Variants in PREP observed in about 807,000 individuals in gnomAD.
PREP encodes the protein dJ355L5.1 (prolyl endopeptidase).
In PREP, 29 loss-of-function variants were observed where a neutral mutation model predicts 87.6. The observed-to-expected ratio is 0.33, with a 90% CI of 0.25 to 0.45. PREP has a LOEUF of 0.45. PREP is among the 20% of genes least tolerant of loss of function. The probability of loss-of-function intolerance (pLI) is 1.00; values close to 1 mark genes in which losing one functional copy is unlikely to be tolerated. For missense variants in PREP, 695 were observed against 886.5 expected, an observed-to-expected ratio of 0.78 and a Z score of 2.74; for synonymous variants, 337 against 328.6, an observed-to-expected ratio of 1.03 and a Z score of -0.28.
intron 6 of PREP, among the ~76,000 whole-genome samples, chr6:105,367,872 T>C (rs1289218055): frequency 1.3e-5 from 2 of 152,084 alleles, no homozygotes; most frequent in Non-Finnish European, 2.9e-5. Context: ...CAGGTGAAAA[T>C]GGGTGTGGTT....
At chr6:105,280,631 T>G (rs746199522) in intron 14 of PREP, 7 of 152,144 alleles carry the variant, frequency 4.6e-5, no homozygotes, top group Non-Finnish European at 8.8e-5. Flanking sequence ...GGTCTTGGAA[T>G]GCAGTGGTGT....
intron 11 of PREP, among the ~76,000 whole-genome samples, chr6:105,287,508 T>C (rs571549943): frequency 6.6e-6 from 1 of 152,362 alleles, no homozygotes; most frequent in East Asian, 1.9e-4. Context: ...ATTCGAGGTC[T>C]ACAATTTCAT....
chr6:105,345,105 G>C (rs1771761959), intron 7 of PREP, among the ~76,000 whole-genome samples: 2 of 152,228 alleles, frequency 1.3e-5, no homozygotes, highest in South Asian at 4.1e-4. Flanking sequence ...TTGTTCTACA[G>C]GGCTTTGGTA....
At chr6:105,360,468 G>A (rs1353725350) in intron 6 of PREP, among the ~76,000 whole-genome samples, 2 of 152,136 alleles carry the variant, frequency 1.3e-5, no homozygotes, top group Non-Finnish European at 2.9e-5. Flanking sequence ...TTATCAAAAG[G>A]TAGGACATAA....
chr6:105,303,863 C>G (rs1380629725), intron 10 of PREP, among the ~76,000 whole-genome samples: 4 of 152,144 alleles, frequency 2.6e-5, no homozygotes, highest in Non-Finnish European at 5.9e-5. Context: ...AAAATACCTG[C>G]CAGTTAGTTT....
intron 2 of PREP, among the ~76,000 whole-genome samples, chr6:105,381,680 C>A (rs1772841956): frequency 6.6e-6 from 1 of 152,160 alleles, no homozygotes; most frequent in Admixed American, 6.5e-5. Context: ...ATTTTCCTAG[C>A]AAAGAGTAGC....
rs535236031 is a variant in PREP at position 105,275,635 on chromosome 6, G to T, written c.*2509C>A. ...ATATCAAAAAGATATCTGCACTCCT[G>T]TGTCTACTGCAGCACTATCCACAAC... On this transcript the variant is annotated 3_prime_UTR_variant, in exon 15 of 15. Coordinates refer to ENST00000652536, the MANE Select transcript of PREP (RefSeq NM_002726.5). Among the ~76,000 whole-genome samples, 1 of 152,198 alleles carries T rather than the reference G, an allele frequency of 6.6e-6. No homozygotes were observed. The highest frequency in any genetic ancestry group is 6.5e-5 in the Admixed American group (1 of 15,284).
intron 6 of PREP, among the ~76,000 whole-genome samples, chr6:105,357,289 T>C (rs1240926136): frequency 6.6e-6 from 1 of 152,228 alleles, no homozygotes; most frequent in Non-Finnish European, 1.5e-5. Context: ...AATTCAGTTG[T>C]AGTGATTCAG....
At chr6:105,289,014 G>T in intron 10 of PREP, 120 bp from the exon 11 acceptor site, 1 of 1,001,628 alleles carries the variant, frequency 1.0e-6, no homozygotes, top group Non-Finnish European at 1.4e-6. Flanking sequence ...TGAAAACCTA[G>T]TACCTCTCAA....
chr6:105,274,081 T>G lies in PREP; in HGVS notation c.*4063A>C, dbSNP rs1769888149. Among the ~76,000 whole-genome samples the G allele has an allele frequency of 6.6e-6, 1 of 152,212 alleles. No homozygotes were observed. Among genetic ancestry groups the G allele is most frequent in the South Asian group, 2.1e-4 (1 of 4,828 alleles). On this transcript the variant is annotated 3_prime_UTR_variant, in exon 15 of 15. Transcript: ENST00000652536. Reference sequence around the variant, plus strand: ...TGAAATTATACTTTGTTTATTATCTTGTTAATAGACTCGTGGGTATCTTAG... The same window carrying G: ...TGAAATTATACTTTGTTTATTATCTGGTTAATAGACTCGTGGGTATCTTAG...
intron 2 of PREP, among the ~76,000 whole-genome samples, chr6:105,383,124 G>T (rs1772890825): frequency 6.6e-6 from 1 of 152,060 alleles, no homozygotes; most frequent in Admixed American, 6.5e-5. Flanking sequence ...GGACAGTCAA[G>T]GTAGGTCATG....
chr6:105,402,997 G>A lies in PREP; in HGVS notation c.-106C>T, dbSNP rs915781716. ...GCGGCTGGGGCGCAGGCAGCTGCGG[G>A]GCGGCCGGCGGCAGCGGGCGGCCGG... On this transcript the variant is annotated 5_prime_UTR_variant, in exon 1 of 15. Transcript: ENST00000652536. 23 of 447,018 alleles carry A rather than the reference G, an allele frequency of 5.1e-5. No homozygotes were observed. Among genetic ancestry groups the A allele is most frequent in the Non-Finnish European group, 7.0e-5 (20 of 286,316 alleles). The allele number at this position is 447,018 out of a possible 1,614,324, so 27.7% of individuals were successfully genotyped here. A position where few individuals can be genotyped will look rare whatever the true frequency, so the allele number is the denominator to read the frequency against.
intron 10 of PREP, among the ~76,000 whole-genome samples, chr6:105,316,366 G>T (rs1201447): frequency 6.6e-6 from 1 of 152,022 alleles, no homozygotes; most frequent in Admixed American, 6.6e-5. Flanking sequence ...GCATTTTTCA[G>T]TTAAGTTCAC....
rs1341991660 is a variant in PREP, at chr6:105,277,351, C to CT, written c.*792dup. ...CAAGGATCCTTGGATCCAAGGAACTCTGATTTCTAGGAATACTTTGTAAAC... is the reference window on the plus strand; with the variant it reads ...CAAGGATCCTTGGATCCAAGGAACTCTTGATTTCTAGGAATACTTTGTAAAC... On this transcript the variant is annotated 3_prime_UTR_variant, in exon 15 of 15. Transcript: ENST00000652536. Among the ~76,000 whole-genome samples, 2 of 152,108 alleles carry CT rather than the reference C, an allele frequency of 1.3e-5. No homozygotes were observed. Among genetic ancestry groups the CT allele is most frequent in the Admixed American group, 6.5e-5 (1 of 15,286 alleles).
chr6:105,346,831 T>C (rs1200221121), intron 7 of PREP, among the ~76,000 whole-genome samples: 1 of 152,272 alleles, frequency 6.6e-6, no homozygotes, highest in Non-Finnish European at 1.5e-5. Flanking sequence ...TCGGGTGCAG[T>C]GGCCCATGCC....
chr6:105,402,376 A>AGT (rs1273317495), intron 1 of PREP, among the ~76,000 whole-genome samples: 3 of 152,052 alleles, frequency 2.0e-5, no homozygotes, highest in African/African-American at 4.8e-5. Flanking sequence ...AGGACTTTAA[A>AGT]GTGTAAGTTT....
At chr6:105,386,426 T>G (rs922746574) in intron 2 of PREP, among the ~76,000 whole-genome samples, 2 of 151,980 alleles carry the variant, frequency 1.3e-5, no homozygotes, top group Non-Finnish European at 2.9e-5. Flanking sequence ...GTCATGAGAT[T>G]TTATGGAGGT....
Position 105,285,461 on chromosome 6 carries a change from T to A in PREP, c.1549+25A>T, listed in dbSNP as rs369338726. Reference sequence around the variant, plus strand: ...CTTAGCTTTGATTATGTCAGACTTGTGTTTCTGTAGAGAAAACACCTCACC... The same window carrying A: ...CTTAGCTTTGATTATGTCAGACTTGAGTTTCTGTAGAGAAAACACCTCACC... On this transcript the variant is annotated intron_variant, in intron 12 of 14. Coordinates refer to ENST00000652536, the MANE Select transcript of PREP (RefSeq NM_002726.5). 1.2e-4 allele frequency: 191 copies of A among 1,584,920 alleles called. No individual in the cohort carries two copies. The African/African-American group carries it at 2.4e-3, about 20-fold the overall frequency.
chr6:105,333,182 C>T (rs1771383244), intron 8 of PREP, 132 bp downstream of exon 8: 2 of 817,130 alleles, frequency 2.4e-6, no homozygotes, highest in East Asian at 5.2e-5. Flanking sequence ...TATTTAGACA[C>T]TTCATTCCTG....
Sources: gnomAD v4.1 joint callset for allele counts (sites outside exome capture counted in the v4.1 genomes callset) on GRCh38, gnomAD v4.1.1 for gene constraint, MANE v1.5 for transcripts, NCBI Gene and HGNC (gene_info 2026-07-23, HGNC 2026-07-21) for gene names.